Variants in COL28A1 observed in about 807,000 individuals in gnomAD.
COL28A1 encodes collagen type XXVIII alpha 1 chain, also known as collagen alpha-1(XXVIII) chain.
A neutral mutation model predicts 150.2 loss-of-function variants in COL28A1; 161 were observed. The observed-to-expected ratio is 1.07, with a 90% CI of 0.94 to 1.22. The LOEUF is 1.22. Among genes scored for constraint, COL28A1 ranks in the 50% most tolerant of loss-of-function variants. The probability of loss-of-function intolerance (pLI) is 0.00; values close to 1 mark genes in which losing one functional copy is unlikely to be tolerated. For missense variants in COL28A1, 1,617 were observed against 1,388.3 expected (o/e 1.16, Z -2.62); for synonymous variants, 552 against 469.7 (o/e 1.18, Z -2.26).
intron 20 of COL28A1, among the ~76,000 whole-genome samples, chr7:7,443,263 T>G (rs1283728675): frequency 1.3e-5 from 2 of 152,166 alleles, no homozygotes; most frequent in East Asian, 3.9e-4. Context: ...TAAAGAAAAT[T>G]TATGGACTGT....
chr7:7,527,551 G>A (rs973830645), intron 3 of COL28A1, among the ~76,000 whole-genome samples: 3 of 152,260 alleles, frequency 2.0e-5, no homozygotes, highest in African/African-American at 7.2e-5. Context: ...GGGAGGTGGC[G>A]AGGGCTTGCA....
At chr7:7,351,737 AC>A (rs765980353), downstream of COL28A1, among the ~76,000 whole-genome samples, 2 of 152,118 alleles carry the variant, frequency 1.3e-5, no homozygotes, top group African/African-American at 2.4e-5. Context: ...AATTAAAAAA[AC>A]AAAATGTCAT....
chr7:7,519,977 G>T, intron 6 of COL28A1, 85 bp downstream of exon 6: 1 of 757,370 alleles, frequency 1.3e-6, no homozygotes, highest in Non-Finnish European at 2.3e-6. Context: ...ATACTACAAT[G>T]CTTTTTATTT....
At chr7:7,471,437 T>C (rs1788419529) in intron 15 of COL28A1, among the ~76,000 whole-genome samples, 1 of 152,140 alleles carries the variant, frequency 6.6e-6, no homozygotes, top group South Asian at 2.1e-4. Context: ...TACAGACCAA[T>C]ATCCCTCATG....
intron 27 of COL28A1, among the ~76,000 whole-genome samples, chr7:7,385,395 GCCTGAAAGGACAGAA>G (rs1408132117): frequency 6.6e-6 from 1 of 152,206 alleles, no homozygotes; most frequent in Non-Finnish European, 1.5e-5. Flanking sequence ...CTTTGTCTCA[GCCTGAAAGGACAGAA>G]CAGTGTGATA....
chr7:7,465,018 G>A (rs1354549796), intron 15 of COL28A1, among the ~76,000 whole-genome samples: 2 of 152,120 alleles, frequency 1.3e-5, no homozygotes, highest in African/African-American at 4.8e-5. Flanking sequence ...ATCATTCAAG[G>A]CTACTATGAA....
intron 20 of COL28A1, 98 bp from the exon 21 acceptor site, chr7:7,440,959 C>T: frequency 3.0e-6 from 2 of 659,860 alleles, no homozygotes; most frequent in South Asian, 2.0e-5. Context: ...TCGACTAATA[C>T]CAATTTTAAA....
intron 33 of COL28A1, among the ~76,000 whole-genome samples, chr7:7,364,745 A>G (rs1023379011): frequency 6.6e-6 from 1 of 152,110 alleles, no homozygotes; most frequent in African/African-American, 2.4e-5. Flanking sequence ...CCCCTCCACT[A>G]TCTTGTATAA....
At chr7:7,518,845 A>G (rs2115185118) in intron 6 of COL28A1, among the ~76,000 whole-genome samples, 1 of 152,266 alleles carries the variant, frequency 6.6e-6, no homozygotes, top group East Asian at 1.9e-4. Flanking sequence ...CTACTAAAGG[A>G]TATCTCATTC....
At chr7:7,518,183 T>C (rs565254951) in intron 6 of COL28A1, among the ~76,000 whole-genome samples, 1 of 152,304 alleles carries the variant, frequency 6.6e-6, no homozygotes, top group Admixed American at 6.5e-5. Context: ...GGCTTTGGAA[T>C]GTTTTCCAAA....
At chr7:7,340,949 G>C in the COL28A1 span, among the ~76,000 whole-genome samples, 1 of 152,094 alleles carries the variant, frequency 6.6e-6, no homozygotes, top group Non-Finnish European at 1.5e-5. Flanking sequence ...GCCACATGGG[G>C]AGAGATGACC....
At chr7:7,441,169 T>G (rs1785754898) in intron 20 of COL28A1, among the ~76,000 whole-genome samples, 1 of 152,242 alleles carries the variant, frequency 6.6e-6, no homozygotes, top group Non-Finnish European at 1.5e-5. Context: ...TAACAGATGG[T>G]TCTGAGACAT....
rs1781483659 is a variant in COL28A1 at position 7,375,326 on chromosome 7, T to A, written c.2359+135A>T. The A allele has an allele frequency of 5.3e-6, 4 of 752,958 alleles. No homozygotes were observed. In the South Asian group the frequency reaches 1.5e-4, roughly 29 times the overall value. 46.6% of individuals were successfully genotyped at this position (752,958 alleles called of 1,614,324 possible). ...TCTTACTGCTTCCTTTCAGTTTCCA[T>A]CGACTTTTCAAATGAGCTTCACATT... is the stretch of plus-strand genomic sequence containing the variant. On this transcript the variant is annotated intron_variant, in intron 31 of 34. Transcript: ENST00000399429.
chr7:7,408,430 T>C (rs1783607163), intron 27 of COL28A1, among the ~76,000 whole-genome samples: 2 of 152,258 alleles, frequency 1.3e-5, no homozygotes, highest in South Asian at 4.1e-4. Context: ...GTGCTGATGA[T>C]AAAAAACCAA....
At chr7:7,416,311 G>T (rs1209160635) in intron 27 of COL28A1, among the ~76,000 whole-genome samples, 1 of 152,238 alleles carries the variant, frequency 6.6e-6, no homozygotes, top group Non-Finnish European at 1.5e-5. Context: ...AGGGCATAAG[G>T]AGAGGCAGGA....
At chr7:7,410,134 T>C (rs2128303514) in intron 27 of COL28A1, among the ~76,000 whole-genome samples, 1 of 152,264 alleles carries the variant, frequency 6.6e-6, no homozygotes, top group Non-Finnish European at 1.5e-5. Flanking sequence ...AAAACACAAA[T>C]GGCCACAGAT....
chr7:7,432,780 A>C, intron 23 of COL28A1, 80 bp from the exon 24 acceptor site: 28 of 1,042,640 alleles, frequency 2.7e-5, no homozygotes, highest in Non-Finnish European at 4.2e-5. Context: ...ACACCAACTC[A>C]ATATGCCAAC....
chr7:7,529,615 G>A lies in COL28A1; in HGVS notation c.681+1733C>T, dbSNP rs79968440. Among the ~76,000 whole-genome samples the A allele has an allele frequency of 1.8e-3, 272 of 152,290 alleles. 7 individuals carry two copies. The East Asian group carries it at 0.039, about 22-fold the overall frequency. ...AAGAGCCTGTGTTCTCAGTGAAGCA[G>A]GTGCTCTCAGCGAGGGTGTATCTGG... On this transcript the variant is annotated intron_variant, in intron 3 of 34. Transcript: ENST00000399429.
At chr7:7,341,044 G>GA in the COL28A1 span, among the ~76,000 whole-genome samples, 1 of 152,108 alleles carries the variant, frequency 6.6e-6, no homozygotes, top group Non-Finnish European at 1.5e-5. Context: ...TGCATAGGTA[G>GA]ACAGTCATCA....
Sources: allele counts gnomAD v4.1 joint callset (sites outside exome capture counted in the v4.1 genomes callset), GRCh38; gene constraint gnomAD v4.1.1; transcripts MANE v1.5; gene names NCBI Gene and HGNC (gene_info 2026-07-23, HGNC 2026-07-21).